Variants in HERC3 observed in about 807,000 individuals in gnomAD.
The protein encoded by HERC3 is probable E3 ubiquitin-protein ligase HERC3.
A neutral mutation model predicts 129.9 loss-of-function variants in HERC3; 58 were observed. The observed-to-expected ratio is 0.45, with a 90% CI of 0.36 to 0.56. The LOEUF (loss-of-function observed/expected upper bound fraction) is 0.56. Ranked by LOEUF, HERC3 falls within the 20% of genes least tolerant of loss-of-function variation. The pLI, the probability that HERC3 is intolerant of heterozygous loss-of-function variation, is 0.00. For missense variants in HERC3, 835 were observed against 1,244.2 expected (o/e 0.67, Z 4.95); for synonymous variants, 430 against 451.0 (o/e 0.95, Z 0.59).
chr4:88,533,951 T>A, the HERC3 span, among the ~76,000 whole-genome samples: 1 of 152,208 alleles, frequency 6.6e-6, no homozygotes, highest in Non-Finnish European at 1.5e-5. Context: ...CTTCTATCTT[T>A]TTTTACTCCC....
At chr4:88,692,920 G>A in intron 23 of HERC3, 1 of 985,402 alleles carries the variant, frequency 1.0e-6, no homozygotes, top group Non-Finnish European at 1.2e-6. Flanking sequence ...TGACTTTGAA[G>A]ACTTTGCTGT....
chr4:88,689,148 T>G (rs970313493), intron 23 of HERC3, among the ~76,000 whole-genome samples: 3 of 152,126 alleles, frequency 2.0e-5, no homozygotes, highest in African/African-American at 7.2e-5. Context: ...CAATTGGAGA[T>G]CCTATTAAAT....
chr4:88,641,463 A>T (rs988259172), intron 3 of HERC3, among the ~76,000 whole-genome samples: 2 of 152,246 alleles, frequency 1.3e-5, no homozygotes, highest in Admixed American at 1.3e-4. Context: ...ATGAAAGTAG[A>T]AATTAGTGTT....
intron 1 of HERC3, among the ~76,000 whole-genome samples, chr4:88,595,100 C>CAAAAAAAAAA (rs758727600): frequency 1.2e-4 from 7 of 60,074 alleles, no homozygotes; most frequent in African/African-American, 2.3e-4. Context: ...GACTCTGTCT[C>CAAAAAAAAAA]AAAAAAAAAA....
chr4:88,650,600 T>C (rs146216453), intron 4 of HERC3, among the ~76,000 whole-genome samples: 2,476 of 152,276 alleles, frequency 0.016, 62 homozygotes, highest in African/African-American at 0.057. Flanking sequence ...TTAGTGGTGG[T>C]GTCTCAGTTT....
At chr4:88,654,720 A>G (rs1729699275) in intron 7 of HERC3, among the ~76,000 whole-genome samples, 1 of 151,994 alleles carries the variant, frequency 6.6e-6, no homozygotes, top group Admixed American at 6.6e-5. Flanking sequence ...ATATTGAACA[A>G]ATATTATTCT....
intron 21 of HERC3, among the ~76,000 whole-genome samples, chr4:88,683,606 G>A (rs1733057100): frequency 6.6e-6 from 1 of 152,152 alleles, no homozygotes; most frequent in African/African-American, 2.4e-5. Flanking sequence ...CTCTTTCCAG[G>A]CAACTCTTGA....
At chr4:88,572,805 CA>C in the HERC3 span, among the ~76,000 whole-genome samples, 6,596 of 139,774 alleles carry the variant, frequency 0.047, 317 homozygotes, top group African/African-American at 0.13. Flanking sequence ...AAGACTGTCT[CA>C]AAAAAAAAAA....
rs1325609770 is a variant in HERC3, at chr4:88,652,951, G to T, written c.546G>T (p.Gln182His). The T allele has an allele frequency of 6.2e-7, 1 of 1,614,070 alleles. No individual in the cohort carries two copies. The highest frequency in any genetic ancestry group is 8.5e-7 in the Non-Finnish European group (1 of 1,180,038). ...GKEFPSQASPQRVRSLEGIPL... is the reference protein window; with the variant it reads ...GKEFPSQASPHRVRSLEGIPL... ...AGTTCCCCTCCCAAGCCAGCCCACAGAGGGTGAGGTCCCTGGAGGGGATCC... is the reference window on the plus strand; with the variant it reads ...AGTTCCCCTCCCAAGCCAGCCCACATAGGGTGAGGTCCCTGGAGGGGATCC... The change falls in exon 6 of 26, where the codon CAG (glutamine) becomes CAT (histidine). Residue 182 changes from glutamine to histidine, a missense_variant. By Grantham distance (24) the Gln-to-His change is conservative. Transcript: ENST00000402738.
intron 3 of HERC3, among the ~76,000 whole-genome samples, chr4:88,628,681 C>G (rs1726404051): frequency 6.6e-6 from 1 of 152,168 alleles, no homozygotes; most frequent in African/African-American, 2.4e-5. Flanking sequence ...CTATCTTTAG[C>G]AAGCCCCTCT....
the HERC3 span, among the ~76,000 whole-genome samples, chr4:88,554,238 T>C: frequency 0.077 from 11,534 of 150,736 alleles, 620 homozygotes; most frequent in East Asian, 0.28. Flanking sequence ...CCCAGCTACT[T>C]GGGAGTCTGA....
chr4:88,583,555 C>T, the HERC3 span: 1 of 152,096 alleles, frequency 6.6e-6, no homozygotes, highest in Non-Finnish European at 1.5e-5. Context: ...AAAGGCTTGT[C>T]TTTGAAATGA....
chr4:88,632,448 G>T (rs534310444), intron 3 of HERC3, among the ~76,000 whole-genome samples: 1 of 152,332 alleles, frequency 6.6e-6, no homozygotes, highest in African/African-American at 2.4e-5. Flanking sequence ...AGAGACAATG[G>T]ATGCCAATGT....
intron 3 of HERC3, among the ~76,000 whole-genome samples, chr4:88,624,271 A>G (rs1725853812): frequency 6.6e-6 from 1 of 152,176 alleles, no homozygotes; most frequent in Non-Finnish European, 1.5e-5. Flanking sequence ...TTCATTTTTC[A>G]TGAATAAACT....
rs57250873 is a variant in HERC3 at position 88,682,369 on chromosome 4, C to T, written c.2507+1044C>T. Among the ~76,000 whole-genome samples the T allele has an allele frequency of 1.6e-3, 237 of 151,984 alleles. 1 individual carries two copies. The highest frequency in any genetic ancestry group is 5.4e-3 in the African/African-American group (224 of 41,436). On this transcript the variant is annotated intron_variant, in intron 21 of 25. Transcript: ENST00000402738. Reference sequence around the variant, plus strand: ...TAAGTTTTAGGATACATGTGCACAACGTGCAGGTTAGTTACATATGTATAC... The same window carrying T: ...TAAGTTTTAGGATACATGTGCACAATGTGCAGGTTAGTTACATATGTATAC...
At chr4:88,556,077 T>A in the HERC3 span, among the ~76,000 whole-genome samples, 1 of 152,220 alleles carries the variant, frequency 6.6e-6, no homozygotes, top group Non-Finnish European at 1.5e-5. Context: ...CTCACATTTA[T>A]TTTGCTTTGT....
At chr4:88,621,268 G>A (rs937479550) in intron 3 of HERC3, among the ~76,000 whole-genome samples, 2 of 152,034 alleles carry the variant, frequency 1.3e-5, no homozygotes, top group African/African-American at 2.4e-5. Context: ...CACCATACCT[G>A]GCTAACTTTT....
the HERC3 span, among the ~76,000 whole-genome samples, chr4:88,582,800 G>T: frequency 1.3e-5 from 2 of 152,176 alleles, no homozygotes; most frequent in Non-Finnish European, 2.9e-5. Flanking sequence ...AGAGCACAGA[G>T]AAACTTTGTC....
the HERC3 span, among the ~76,000 whole-genome samples, chr4:88,570,222 A>G: frequency 2.0e-5 from 3 of 152,190 alleles, no homozygotes; most frequent in South Asian, 4.1e-4. Context: ...TCAGGTTTCA[A>G]ATTATTCAAA....
Sources: gnomAD v4.1 joint callset for allele counts (sites outside exome capture counted in the v4.1 genomes callset) on GRCh38, gnomAD v4.1.1 for gene constraint, MANE v1.5 for transcripts, NCBI Gene and HGNC (gene_info 2026-07-23, HGNC 2026-07-21) for gene names.